Variants in EYS observed in about 807,000 individuals in gnomAD.
EYS encodes the protein protein eyes shut homolog.
In EYS, 250 loss-of-function variants were observed where a neutral mutation model predicts 282.1. The ratio of observed to expected loss-of-function variants is 0.89; its 90% CI spans 0.80 to 0.98. The LOEUF is 0.98. Ranked by LOEUF, EYS falls within the 50% of genes least tolerant of loss-of-function variation. EYS has a pLI of 0.00. For synonymous variants in EYS, 1,355 were observed against 1,282.9 expected, an observed-to-expected ratio of 1.06 and a Z score of -1.20; for missense variants, 4,016 against 3,709.0, an observed-to-expected ratio of 1.08 and a Z score of -2.15.
chr6:65,125,825 A>G (rs550425040), intron 12 of EYS, among the ~76,000 whole-genome samples: 11 of 152,068 alleles, frequency 7.2e-5, no homozygotes, highest in African/African-American at 1.7e-4. Context: ...TTTTAGGCCA[A>G]TTTAGGAGGC....
At chr6:65,617,766 T>C (rs1315739814) in intron 2 of EYS, among the ~76,000 whole-genome samples, 2 of 143,814 alleles carry the variant, frequency 1.4e-5, no homozygotes, top group Non-Finnish European at 3.0e-5. Context: ...TGTGTTCTCA[T>C]TGTTCAATTT....
chr6:65,689,740 GC>G (rs1453667576), intron 1 of EYS, among the ~76,000 whole-genome samples: 1 of 149,830 alleles, frequency 6.7e-6, no homozygotes, highest in Non-Finnish European at 1.5e-5. Context: ...TGCAGAATGT[GC>G]AGATTTGTTA....
chr6:65,402,133 T>C (rs1766531778), intron 7 of EYS, among the ~76,000 whole-genome samples: 2 of 151,692 alleles, frequency 1.3e-5, no homozygotes, highest in South Asian at 4.1e-4. Context: ...ATTATATATG[T>C]ATAACAAAAA....
At chr6:64,711,175 A>T (rs1260666866) in intron 22 of EYS, among the ~76,000 whole-genome samples, 3 of 152,224 alleles carry the variant, frequency 2.0e-5, no homozygotes, top group African/African-American at 7.2e-5. Flanking sequence ...TGATTGCACC[A>T]ATATTTGATT....
chr6:64,136,517 T>A (rs759689594), intron 31 of EYS, among the ~76,000 whole-genome samples: 62 of 152,286 alleles, frequency 4.1e-4, no homozygotes, highest in Middle Eastern at 3.4e-3. Flanking sequence ...TTACAAAATG[T>A]ATTTCTTAAA....
chr6:64,227,753 T>TTGA (rs1377792749), intron 31 of EYS, among the ~76,000 whole-genome samples: 1 of 152,110 alleles, frequency 6.6e-6, no homozygotes, highest in East Asian at 1.9e-4. Context: ...ATTTTAGGTG[T>TTGA]TGATTGTACT....
chr6:64,246,551 A>G (rs776451148), intron 30 of EYS, among the ~76,000 whole-genome samples: 2 of 152,196 alleles, frequency 1.3e-5, no homozygotes, highest in Non-Finnish European at 2.9e-5. Flanking sequence ...GCATAGCTCA[A>G]TATTTTGTAT....
At chr6:64,658,174 G>A (rs888350338) in intron 22 of EYS, among the ~76,000 whole-genome samples, 15 of 152,260 alleles carry the variant, frequency 9.9e-5, no homozygotes, top group Admixed American at 3.9e-4. Flanking sequence ...CATTCGTCAC[G>A]TAGTTCTCCT....
intron 26 of EYS, among the ~76,000 whole-genome samples, chr6:64,586,054 T>C (rs2149827838): frequency 6.6e-6 from 1 of 152,128 alleles, no homozygotes; most frequent in East Asian, 1.9e-4. Context: ...TATTTGTGTC[T>C]ACTCTAAAAT....
intron 30 of EYS, among the ~76,000 whole-genome samples, chr6:64,233,742 G>A (rs966434780): frequency 9.2e-5 from 14 of 151,970 alleles, no homozygotes; most frequent in African/African-American, 3.1e-4. Flanking sequence ...ATTAGTGTCT[G>A]AATAACATAT....
At chr6:65,432,188 AT>A (rs1767912325) in intron 5 of EYS, among the ~76,000 whole-genome samples, 1 of 152,164 alleles carries the variant, frequency 6.6e-6, no homozygotes, top group Admixed American at 6.5e-5. Flanking sequence ...ATAAGTCAGG[AT>A]TGCAATAGCT....
chr6:64,613,637 C>A (rs1056823139), intron 24 of EYS, among the ~76,000 whole-genome samples: 1 of 151,508 alleles, frequency 6.6e-6, no homozygotes, highest in Non-Finnish European at 1.5e-5. Flanking sequence ...TCTGCTGGAG[C>A]CAAAACCAGG....
chr6:64,905,024 A>G (rs1767780486), intron 16 of EYS, among the ~76,000 whole-genome samples: 1 of 152,216 alleles, frequency 6.6e-6, no homozygotes, highest in Admixed American at 6.5e-5. Flanking sequence ...AAGTATGCAT[A>G]CAGTCACGTG....
chr6:65,076,681 T>TAC (rs1355235998), intron 12 of EYS, among the ~76,000 whole-genome samples: 3 of 140,302 alleles, frequency 2.1e-5, no homozygotes, highest in African/African-American at 7.5e-5. Flanking sequence ...CACATAAATA[T>TAC]ATACACACAC....
intron 12 of EYS, among the ~76,000 whole-genome samples, chr6:65,117,405 G>A (rs1775406074): frequency 6.6e-6 from 1 of 152,174 alleles, no homozygotes; most frequent in South Asian, 2.1e-4. Flanking sequence ...CCAGAGAAAA[G>A]GCATTGAAAG....
At chr6:64,622,021 A>G (rs1319130241) in intron 23 of EYS, among the ~76,000 whole-genome samples, 1 of 152,194 alleles carries the variant, frequency 6.6e-6, no homozygotes, top group Non-Finnish European at 1.5e-5. Flanking sequence ...CTGAATACCT[A>G]TATTGATACT....
intron 26 of EYS, among the ~76,000 whole-genome samples, chr6:64,552,435 G>A (rs973429414): frequency 3.9e-5 from 6 of 152,078 alleles, no homozygotes; most frequent in African/African-American, 1.4e-4. Context: ...TTAACAAAGA[G>A]TCTGGCACCT....
chr6:64,051,877 G>A (rs564472161), intron 33 of EYS, among the ~76,000 whole-genome samples: 1 of 152,036 alleles, frequency 6.6e-6, no homozygotes, highest in Non-Finnish European at 1.5e-5. Flanking sequence ...AAAGATAAAG[G>A]TAGCCATATG....
chr6:65,139,734 A>G (rs933269817), intron 12 of EYS, among the ~76,000 whole-genome samples: 3 of 152,032 alleles, frequency 2.0e-5, no homozygotes, highest in African/African-American at 7.2e-5. Context: ...GAAAAGCCCA[A>G]TATCCCACTT....
Sources: allele counts gnomAD v4.1 joint callset (sites outside exome capture counted in the v4.1 genomes callset), GRCh38; gene constraint gnomAD v4.1.1; transcripts MANE v1.5; gene names NCBI Gene and HGNC (gene_info 2026-07-23, HGNC 2026-07-21).